SMCO2: variants seen among roughly 807,000 people sequenced by gnomAD.
The protein encoded by SMCO2 is single-pass membrane protein with coiled-coil domains 2.
A neutral mutation model predicts 29.5 loss-of-function variants in SMCO2; 25 were observed. That is an observed-to-expected ratio of 0.85 (90% CI 0.62 to 1.18). The LOEUF (loss-of-function observed/expected upper bound fraction) is 1.18, where lower values mean the gene tolerates loss of function less well. Ranked by LOEUF, SMCO2 falls within the 50% of genes most tolerant of loss-of-function variation. The pLI is 0.00. For synonymous variants in SMCO2, 117 were observed against 123.3 expected, an observed-to-expected ratio of 0.95 and a Z score of 0.34; for missense variants, 348 against 344.5, an observed-to-expected ratio of 1.01 and a Z score of -0.08.
intron 1 of SMCO2, among the ~76,000 whole-genome samples, chr12:27,469,573 GT>G (rs753896626): frequency 2.0e-4 from 31 of 152,020 alleles, no homozygotes; most frequent in Non-Finnish European, 4.0e-4. Flanking sequence ...ATCCCCTCTT[GT>G]CCCTCAGGGT....
chr12:27,467,415 A>G (rs1284493982), intron 1 of SMCO2, among the ~76,000 whole-genome samples: 1 of 151,460 alleles, frequency 6.6e-6, no homozygotes, highest in African/African-American at 2.4e-5. Context: ...TCATATGTGT[A>G]TGAATTACCT....
intron 4 of SMCO2, among the ~76,000 whole-genome samples, chr12:27,476,256 T>C (rs1949585176): frequency 6.6e-6 from 1 of 152,058 alleles, no homozygotes; most frequent in African/African-American, 2.4e-5. Context: ...TAAAATTTGT[T>C]AAGACTTGTA....
At chr12:27,491,635 T>C (rs1000889767) in intron 5 of SMCO2, among the ~76,000 whole-genome samples, 6 of 152,004 alleles carry the variant, frequency 3.9e-5, no homozygotes, top group African/African-American at 1.4e-4. Context: ...ACTAGCATGA[T>C]GCCTAGCGCA....
intron 4 of SMCO2, among the ~76,000 whole-genome samples, chr12:27,477,210 GTTTTTTTTT>G (rs770789669): frequency 1.6e-5 from 1 of 62,668 alleles, no homozygotes; most frequent in Admixed American, 1.8e-4. Flanking sequence ...TGGCTGTCAG[GTTTTTTTTT>G]TTTTTTTTTT....
intron 4 of SMCO2, among the ~76,000 whole-genome samples, chr12:27,476,904 G>C (rs1321728375): frequency 1.3e-5 from 2 of 151,726 alleles, no homozygotes; most frequent in African/African-American, 4.8e-5. Context: ...ATTGTTTTCT[G>C]GTTGTTTTGT....
the SMCO2 span, among the ~76,000 whole-genome samples, chr12:27,453,928 C>T: frequency 6.6e-6 from 1 of 152,184 alleles, no homozygotes; most frequent in East Asian, 1.9e-4. Flanking sequence ...ATAATCTCAT[C>T]ATCCAGATAT....
chr12:27,448,266 G>A, the SMCO2 span, among the ~76,000 whole-genome samples: 7 of 152,122 alleles, frequency 4.6e-5, no homozygotes, highest in Admixed American at 1.3e-4. Context: ...CAGAGGTGTT[G>A]TCAGGATTAG....
Position 27,471,117 on chromosome 12 carries a change from A to C in SMCO2, c.134+352A>C, listed in dbSNP as rs1025403428. Among the ~76,000 whole-genome samples, 12 of 152,322 alleles carry C rather than the reference A, an allele frequency of 7.9e-5. No individual in the cohort carries two copies. In the East Asian group the frequency reaches 2.3e-3, roughly 29 times the overall value. ...GGAGTACAAACAGTGGTATAAACACATATATACATTTGCTAGTACGTGTTT... is the reference window on the plus strand; with the variant it reads ...GGAGTACAAACAGTGGTATAAACACCTATATACATTTGCTAGTACGTGTTT... On this transcript the variant is annotated intron_variant, in intron 2 of 7. Coordinates refer to ENST00000298876, the Ensembl canonical transcript of SMCO2.
At chr12:27,472,978 G>A (rs1158239305) in intron 3 of SMCO2, 103 bp downstream of exon 3, 10 of 850,998 alleles carry the variant, frequency 1.2e-5, no homozygotes, top group Non-Finnish European at 1.8e-5. Flanking sequence ...AATATCTGAG[G>A]GTTTTCTTCT....
upstream of SMCO2, among the ~76,000 whole-genome samples, chr12:27,462,006 A>T (rs1343922093): frequency 6.6e-6 from 1 of 152,248 alleles, no homozygotes; most frequent in Non-Finnish European, 1.5e-5. Flanking sequence ...ATCTTTATCT[A>T]AACTGAAGTT....
At chr12:27,483,381 A>T (rs564815312) in intron 4 of SMCO2, among the ~76,000 whole-genome samples, 27 of 151,914 alleles carry the variant, frequency 1.8e-4, no homozygotes, top group African/African-American at 6.0e-4. Context: ...TGAAGAACTG[A>T]TCCCTTTATC....
intron 4 of SMCO2, among the ~76,000 whole-genome samples, 156 bp from the exon 6 acceptor site, chr12:27,488,304 T>C (rs958877393): frequency 2.0e-5 from 3 of 152,202 alleles, no homozygotes; most frequent in African/African-American, 7.2e-5. Context: ...TACTTTTTAC[T>C]TTTTTGAATT....
At chr12:27,466,591 C>T (rs1260175648), upstream of SMCO2, among the ~76,000 whole-genome samples, 2 of 151,988 alleles carry the variant, frequency 1.3e-5, no homozygotes, top group African/African-American at 2.4e-5. Flanking sequence ...CCCAGAACAC[C>T]ATATCAGAGG....
chr12:27,430,691 A>G, the SMCO2 span, among the ~76,000 whole-genome samples: 3 of 152,198 alleles, frequency 2.0e-5, no homozygotes, highest in Non-Finnish European at 4.4e-5. Context: ...ACCTTTATTA[A>G]ATACTTACCG....
the SMCO2 span, among the ~76,000 whole-genome samples, chr12:27,446,329 T>TATAAGAATTATAAGATTAGTGCC: frequency 6.6e-6 from 1 of 152,120 alleles, no homozygotes; most frequent in Non-Finnish European, 1.5e-5. Context: ...TGGTGCCTCT[T>TATAAGAATTATAAGATTAGTGCC]CTTATAAGGG....
intron 4 of SMCO2, among the ~76,000 whole-genome samples, chr12:27,478,348 C>T (rs1194042544): frequency 2.0e-5 from 3 of 151,946 alleles, no homozygotes; most frequent in Non-Finnish European, 4.4e-5. Context: ...GCAGCATATG[C>T]ATGCACCAGT....
At chr12:27,433,705 A>G in the SMCO2 span, among the ~76,000 whole-genome samples, 1 of 152,372 alleles carries the variant, frequency 6.6e-6, no homozygotes, top group South Asian at 2.1e-4. Context: ...TTGGATATCT[A>G]GCTGGTGTTT....
At chr12:27,495,986 C>T in intron 7 of SMCO2, 131 bp downstream of exon 8, 1 of 983,462 alleles carries the variant, frequency 1.0e-6, no homozygotes, top group Non-Finnish European at 1.4e-6. Flanking sequence ...TATCTATGTT[C>T]TTTAAAAGTC....
intron 3 of SMCO2, chr12:27,473,153 T>C (rs1342973997): frequency 8.8e-6 from 3 of 342,218 alleles, no homozygotes; most frequent in African/African-American, 2.1e-5. Flanking sequence ...CGGGAATTTA[T>C]GAAATAACTG....
Sources: gnomAD v4.1 joint callset for allele counts (sites outside exome capture counted in the v4.1 genomes callset) on GRCh38, gnomAD v4.1.1 for gene constraint, MANE v1.5 for transcripts, NCBI Gene and HGNC (gene_info 2026-07-23, HGNC 2026-07-21) for gene names.